EBF2: variants seen among roughly 807,000 people sequenced by gnomAD.
The protein encoded by EBF2 is EBF transcription factor 2.
Under a neutral mutation model 72.8 loss-of-function variants are expected in EBF2, and 21 were observed. The ratio of observed to expected loss-of-function variants is 0.29; its 90% CI spans 0.20 to 0.42. EBF2 has a LOEUF of 0.42. Among genes scored for constraint, EBF2 ranks in the 10% least tolerant of loss-of-function variants. The pLI, the probability that EBF2 is intolerant of heterozygous loss-of-function variation, is 1.00. For synonymous variants in EBF2, 299 were observed against 274.2 expected (o/e 1.09, Z -0.89); for missense variants, 637 against 731.2 (o/e 0.87, Z 1.49).
chr8:25,989,608 G>T (rs1804513851), intron 6 of EBF2, among the ~76,000 whole-genome samples: 1 of 152,166 alleles, frequency 6.6e-6, no homozygotes, highest in South Asian at 2.1e-4. Context: ...TCAGATACAT[G>T]ACAACGCAAA....
At position 26,044,502 on chromosome 8, in the gene EBF2, C is replaced by T. The variant is rs183460406; in HGVS notation, c.131+227G>A. ...CTGTGGTAAAGGAGAGGGAGAGAAACGCCTACGACCCAGGCAGTTCAGGAA... is the reference window on the plus strand; with the variant it reads ...CTGTGGTAAAGGAGAGGGAGAGAAATGCCTACGACCCAGGCAGTTCAGGAA... On this transcript the variant is annotated intron_variant, in intron 1 of 15. Coordinates refer to ENST00000520164, the MANE Select transcript of EBF2 (RefSeq NM_022659.4). The surrounding 1 kb of genome is among the most constrained non-coding windows in gnomAD (Gnocchi z 4.1). 1.3e-5 allele frequency among the ~76,000 whole-genome samples: 2 copies of T among 152,288 alleles called. No homozygotes were observed. Among genetic ancestry groups the T allele is most frequent in the East Asian group, 1.9e-4 (1 of 5,176 alleles).
chr8:25,984,462 G>A (rs754823741), intron 6 of EBF2, among the ~76,000 whole-genome samples: 5 of 152,172 alleles, frequency 3.3e-5, no homozygotes, highest in African/African-American at 9.7e-5. Context: ...GTGGGTGGAT[G>A]ACCTGAGGTC....
chr8:25,922,452 T>C (rs928417797), intron 6 of EBF2, among the ~76,000 whole-genome samples: 12 of 152,324 alleles, frequency 7.9e-5, no homozygotes, highest in African/African-American at 2.6e-4. Context: ...TAAGATCATA[T>C]AATAAGGATG....
At chr8:25,898,467 G>A (rs1802893379) in intron 7 of EBF2, among the ~76,000 whole-genome samples, 1 of 144,686 alleles carries the variant, frequency 6.9e-6, no homozygotes, top group African/African-American at 2.6e-5. Flanking sequence ...AAAAAAACCA[G>A]CTTTTCATGT....
At chr8:25,934,028 T>A (rs2117148893) in intron 6 of EBF2, among the ~76,000 whole-genome samples, 1 of 152,302 alleles carries the variant, frequency 6.6e-6, no homozygotes, top group South Asian at 2.1e-4. Context: ...TTGTTTTAAG[T>A]AAAAATTCAA....
intron 6 of EBF2, among the ~76,000 whole-genome samples, chr8:25,997,571 C>CAAAAAAAA (rs11302993): frequency 7.7e-6 from 1 of 130,194 alleles, no homozygotes. Flanking sequence ...GATCCTATCT[C>CAAAAAAAA]AAAAAAAAAA....
intron 6 of EBF2, among the ~76,000 whole-genome samples, chr8:25,994,948 T>TTAAA (rs1470502363): frequency 6.6e-6 from 1 of 151,884 alleles, no homozygotes. Flanking sequence ...AGGAAAAAAA[T>TTAAA]TAAATAAATA....
intron 6 of EBF2, among the ~76,000 whole-genome samples, chr8:25,928,864 G>C (rs543671905): frequency 6.6e-6 from 1 of 150,924 alleles, no homozygotes; most frequent in South Asian, 2.1e-4. Context: ...AGTGGACCAG[G>C]CTTGGCCAAA....
At chr8:25,881,100 C>T (rs757449974) in intron 10 of EBF2, among the ~76,000 whole-genome samples, 6 of 152,218 alleles carry the variant, frequency 3.9e-5, no homozygotes, top group Non-Finnish European at 7.3e-5. Context: ...GGCCACCCCA[C>T]TGGCCTCCAA....
chr8:25,847,603 A>G (rs1801865275), intron 15 of EBF2, among the ~76,000 whole-genome samples: 1 of 152,138 alleles, frequency 6.6e-6, no homozygotes, highest in African/African-American at 2.4e-5. Flanking sequence ...TTAGTCAACA[A>G]CCACCTTTGG....
chr8:25,977,778 C>G (rs1804293167), intron 6 of EBF2, among the ~76,000 whole-genome samples: 1 of 152,078 alleles, frequency 6.6e-6, no homozygotes. Flanking sequence ...TGACACGTGT[C>G]AAAGACACAT....
chr8:25,903,122 A>T (rs1044192990), intron 7 of EBF2, among the ~76,000 whole-genome samples: 2 of 151,794 alleles, frequency 1.3e-5, no homozygotes, highest in African/African-American at 4.8e-5. Flanking sequence ...ATATTCTGAC[A>T]CAGGCATACA....
intron 15 of EBF2, among the ~76,000 whole-genome samples, chr8:25,848,348 C>G (rs1462078426): frequency 6.6e-6 from 1 of 152,178 alleles, no homozygotes; most frequent in African/African-American, 2.4e-5. Flanking sequence ...GCCCGAGCAT[C>G]CTGAGGGGTG....
In EBF2 at chr8:26,042,126, G is replaced by A; in HGVS notation, c.257C>T (p.Thr86Met). Reference sequence around the variant, plus strand: ...ATTCTCCACAAAGTCCACGAAGGCCGTCCGCTCGATCTCCACCGGCTGGCC... The same window carrying A: ...ATTCTCCACAAAGTCCACGAAGGCCATCCGCTCGATCTCCACCGGCTGGCC... ...RQGQPVEIER[T>M]AFVDFVENDK... The change falls in exon 2 of 16, where the codon ACG becomes ATG. Residue 86 changes from threonine to methionine, a missense_variant. Physicochemically the swap from Thr to Met is moderately conservative, Grantham distance 81. Around this residue, in one of 3 missense-constraint regions of EBF2, gnomAD observed 174 missense variants for 161.9 expected, o/e 1.07. Transcript: ENST00000520164. 2 of 1,613,706 alleles carry A rather than the reference G, an allele frequency of 1.2e-6. No homozygotes were observed. The highest frequency in any genetic ancestry group is 1.7e-6 in the Non-Finnish European group (2 of 1,179,874).
chr8:25,858,654 T>A, intron 13 of EBF2, 150 bp from the exon 14 acceptor site: 2 of 231,836 alleles, frequency 8.6e-6, no homozygotes, highest in South Asian at 1.5e-4. Context: ...TCTTTAGCTT[T>A]TTTTTTTTTT....
At chr8:25,926,210 C>T (rs1445943149) in intron 6 of EBF2, among the ~76,000 whole-genome samples, 1 of 152,090 alleles carries the variant, frequency 6.6e-6, no homozygotes, top group African/African-American at 2.4e-5. Flanking sequence ...GATCTCGTTG[C>T]TCTCGCCGTA....
chr8:25,936,779 A>T (rs1034791866), intron 6 of EBF2, among the ~76,000 whole-genome samples: 4 of 152,172 alleles, frequency 2.6e-5, no homozygotes, highest in African/African-American at 9.7e-5. Flanking sequence ...AAAAAAGGTT[A>T]ATACTTTCCT....
rs903658520 is a variant in EBF2 at position 25,853,148 on chromosome 8, A to G, written c.1529-2387T>C. Among the ~76,000 whole-genome samples, 5 of 151,970 alleles carry G rather than the reference A, an allele frequency of 3.3e-5. No individual in the cohort carries two copies. The South Asian group carries it at 1.0e-3, about 31-fold the overall frequency. On this transcript the variant is annotated intron_variant, in intron 14 of 15. Coordinates refer to ENST00000520164, the MANE Select transcript of EBF2 (RefSeq NM_022659.4). ...CAAAATAAATCTAAGTAGATTAAAG[A>G]CATTTTTAAAAGCAAAATTGTAAAA... is the stretch of plus-strand genomic sequence containing the variant.
chr8:25,993,889 A>G (rs1322703240), intron 6 of EBF2, among the ~76,000 whole-genome samples: 1 of 152,190 alleles, frequency 6.6e-6, no homozygotes, highest in Non-Finnish European at 1.5e-5. Flanking sequence ...ATTAAATGCT[A>G]GAATATACTG....
Sources: gnomAD v4.1 joint callset for allele counts (sites outside exome capture counted in the v4.1 genomes callset) on GRCh38, gnomAD v4.1.1 for gene constraint, gnomAD v4.1.1 regional missense constraint, Gnocchi (gnomAD v3.1) non-coding constraint, MANE v1.5 for transcripts, NCBI Gene and HGNC (gene_info 2026-07-23, HGNC 2026-07-21) for gene names.